The following DPP10 variants were observed in gnomAD, a reference collection of about 807,000 sequenced individuals.
DPP10 encodes dipeptidyl peptidase like 10, also known as inactive dipeptidyl peptidase 10.
Under a neutral mutation model 120.9 loss-of-function variants are expected in DPP10, and 33 were observed. The ratio of observed to expected loss-of-function variants is 0.27; its 90% CI spans 0.21 to 0.37. The LOEUF (loss-of-function observed/expected upper bound fraction) is 0.37, where lower values mean the gene tolerates loss of function less well. DPP10 is among the 10% of genes least tolerant of loss of function. The pLI is 1.00. For missense variants in DPP10, 816 were observed against 942.8 expected (o/e 0.87, Z 1.76); for synonymous variants, 337 against 326.1 (o/e 1.03, Z -0.36).
intron 1 of DPP10, among the ~76,000 whole-genome samples, chr2:114,638,450 A>G (rs1695463454): frequency 6.6e-6 from 1 of 151,860 alleles, no homozygotes; most frequent in Non-Finnish European, 1.5e-5. Context: ...AATCCCATCA[A>G]AAAAATGGGC....
chr2:115,309,979 G>A (rs942257698), intron 2 of DPP10, among the ~76,000 whole-genome samples: 21 of 151,884 alleles, frequency 1.4e-4, no homozygotes, highest in African/African-American at 3.9e-4. Flanking sequence ...TTCTTTCTGG[G>A]GACTATTTCA....
chr2:114,554,485 G>A (rs553974981), intron 1 of DPP10, among the ~76,000 whole-genome samples: 4 of 152,316 alleles, frequency 2.6e-5, no homozygotes, highest in African/African-American at 9.6e-5. Flanking sequence ...GAATCGTATA[G>A]AAGATAACCT....
chr2:115,793,992 A>G (rs867865044), intron 19 of DPP10, among the ~76,000 whole-genome samples: 6 of 152,188 alleles, frequency 3.9e-5, no homozygotes, highest in South Asian at 2.1e-4. Flanking sequence ...AATTTTAAAA[A>G]CTGCCCATGA....
rs533660466 is a variant in DPP10 at position 115,741,889 on chromosome 2, G to A, written c.852+1996G>A. 7.2e-5 allele frequency among the ~76,000 whole-genome samples: 11 copies of A among 152,218 alleles called. No individual in the cohort carries two copies. In the South Asian group the frequency reaches 2.3e-3, roughly 32 times the overall value. ...GAGACAAACAAACAAACCAATGGGA[G>A]CATTTGAGGAAATTAAATTATGTCA... On this transcript the variant is annotated intron_variant, in intron 9 of 25. Transcript: ENST00000410059.
In DPP10 at chr2:115,802,166, G is replaced by A. The variant is rs1457883152; in HGVS notation, c.1700+10810G>A. Among the ~76,000 whole-genome samples the A allele has an allele frequency of 2.0e-5, 3 of 152,068 alleles. No homozygotes were observed. The Admixed American group carries it at 2.0e-4, about 10-fold the overall frequency. ...TTCTTCCTGGTTTAGTCTTGGGATA[G>A]TGTATGTGTCGAGGAATTTATCCAT... On this transcript the variant is annotated intron_variant, in intron 19 of 25. Coordinates refer to ENST00000410059, the MANE Select transcript of DPP10 (RefSeq NM_020868.6).
At chr2:114,973,739 G>C (rs1251952795) in intron 1 of DPP10, among the ~76,000 whole-genome samples, 2 of 149,904 alleles carry the variant, frequency 1.3e-5, no homozygotes, top group South Asian at 4.3e-4. Context: ...AGCAGGTATT[G>C]TTATCATAGG....
At chr2:114,645,675 G>T (rs894987167) in intron 1 of DPP10, among the ~76,000 whole-genome samples, 4 of 152,166 alleles carry the variant, frequency 2.6e-5, no homozygotes, top group Non-Finnish European at 4.4e-5. Context: ...CTGTTTGCCT[G>T]GCAGAGCTGG....
At chr2:115,435,943 G>A (rs1227432215) in intron 3 of DPP10, among the ~76,000 whole-genome samples, 1 of 151,738 alleles carries the variant, frequency 6.6e-6, no homozygotes, top group African/African-American at 2.4e-5. Flanking sequence ...ATTTATTAAG[G>A]AGCCTGTCCT....
intron 2 of DPP10, among the ~76,000 whole-genome samples, chr2:115,310,420 C>T (rs1173039766): frequency 6.6e-6 from 1 of 152,042 alleles, no homozygotes; most frequent in African/African-American, 2.4e-5. Flanking sequence ...TCCAGTGAGA[C>T]ACTTCGTGAG....
At chr2:115,553,260 C>T (rs2079988159) in intron 5 of DPP10, among the ~76,000 whole-genome samples, 1 of 152,006 alleles carries the variant, frequency 6.6e-6, no homozygotes, top group Non-Finnish European at 1.5e-5. Flanking sequence ...TATGGAATTA[C>T]ACCATAACAT....
intron 1 of DPP10, among the ~76,000 whole-genome samples, chr2:115,253,567 T>C (rs1482159901): frequency 6.6e-6 from 1 of 152,176 alleles, no homozygotes; most frequent in Non-Finnish European, 1.5e-5. Context: ...TAAACATTTC[T>C]GCTCCAAAAA....
At chr2:115,702,658 A>C (rs527480888) in intron 7 of DPP10, among the ~76,000 whole-genome samples, 4 of 152,258 alleles carry the variant, frequency 2.6e-5, no homozygotes, top group African/African-American at 9.6e-5. Context: ...GGAAGTTTGC[A>C]GGACAGAAAG....
chr2:114,658,269 T>C (rs548653311), intron 1 of DPP10, among the ~76,000 whole-genome samples: 13 of 152,210 alleles, frequency 8.5e-5, no homozygotes, highest in African/African-American at 2.9e-4. Flanking sequence ...ATTTGACAAT[T>C]TGACATGGTG....
At chr2:115,109,258 C>G (rs745982168) in intron 1 of DPP10, among the ~76,000 whole-genome samples, 1 of 152,100 alleles carries the variant, frequency 6.6e-6, no homozygotes, top group Non-Finnish European at 1.5e-5. Context: ...ACATTGGCGG[C>G]CAGGCATGGT....
chr2:114,632,309 C>T, intron 1 of DPP10, among the ~76,000 whole-genome samples: 1 of 151,904 alleles, frequency 6.6e-6, no homozygotes, highest in South Asian at 2.1e-4. Flanking sequence ...CGAACCATTT[C>T]TCAACTAATG....
chr2:114,903,060 C>A (rs764070056), intron 1 of DPP10, among the ~76,000 whole-genome samples: 1 of 152,206 alleles, frequency 6.6e-6, no homozygotes, highest in East Asian at 1.9e-4. Context: ...AATATGTAGA[C>A]TTTTTATTGG....
At chr2:115,211,985 G>C (rs564837275) in intron 1 of DPP10, among the ~76,000 whole-genome samples, 1 of 152,154 alleles carries the variant, frequency 6.6e-6, no homozygotes, top group African/African-American at 2.4e-5. Flanking sequence ...TGAGTTGACT[G>C]TGCATTCAGC....
chr2:115,286,538 T>TATATATATATATAA (rs1559367007), intron 1 of DPP10, among the ~76,000 whole-genome samples: 1 of 113,884 alleles, frequency 8.8e-6, no homozygotes, highest in African/African-American at 3.4e-5. Flanking sequence ...TATATATATA[T>TATATATATATATAA]ATAAAATATA....
intron 1 of DPP10, among the ~76,000 whole-genome samples, chr2:114,539,659 C>G (rs1179090073): frequency 6.6e-6 from 1 of 152,160 alleles, no homozygotes; most frequent in African/African-American, 2.4e-5. Context: ...ACGTAGAGAG[C>G]ATGGGTATTT....
Sources: allele counts gnomAD v4.1 joint callset (sites outside exome capture counted in the v4.1 genomes callset), GRCh38; gene constraint gnomAD v4.1.1; transcripts MANE v1.5; gene names NCBI Gene and HGNC (gene_info 2026-07-23, HGNC 2026-07-21).